The following ZNF597 variants were observed in gnomAD, a reference collection of about 807,000 sequenced individuals.
The protein encoded by ZNF597 is zinc finger protein 597.
Under a neutral mutation model 7.3 loss-of-function variants are expected in ZNF597, and 5 were observed. That is an observed-to-expected ratio of 0.68 (90% CI 0.36 to 1.44). ZNF597 has a LOEUF of 1.44. ZNF597 is among the 40% of genes most tolerant of loss of function. The pLI is 0.04. For synonymous variants in ZNF597, 209 were observed against 185.4 expected (o/e 1.13, Z -1.04); for missense variants, 585 against 517.9 (o/e 1.13, Z -1.26).
At chr16:3,440,725 CATACCAACATCTGGA>C in intron 3 of ZNF597, 67 bp downstream of exon 3, 2 of 1,554,470 alleles carry the variant, frequency 1.3e-6, no homozygotes, top group Non-Finnish European at 1.7e-6. Context: ...CCCACTCCAC[CATACCAACATCTGGA>C]TAAAGCATGA....
intron 2 of ZNF597, 62 bp from the exon 3 acceptor site, chr16:3,440,995 G>C: frequency 6.4e-7 from 1 of 1,572,614 alleles, no homozygotes; most frequent in Non-Finnish European, 8.6e-7. Flanking sequence ...ACTTAACCTA[G>C]GAAGGATGAA....
rs114175364 is a variant in ZNF597 at position 3,439,997 on chromosome 16, G to A, written c.160+810C>T. ...AAATATGAGTTATTCAGAATAACTA[G>A]TTACTCTAGTTATTTTTTTCTGACT... On this transcript the variant is annotated intron_variant, in intron 3 of 3. Coordinates refer to ENST00000301744, the MANE Select transcript of ZNF597 (RefSeq NM_152457.3). Among the ~76,000 whole-genome samples the A allele has an allele frequency of 5.9e-3, 901 of 152,314 alleles. 13 individuals carry two copies. The highest frequency in any genetic ancestry group is 0.02 in the African/African-American group (849 of 41,572).
chr16:3,440,630 T>C (rs2034356952), intron 3 of ZNF597, among the ~76,000 whole-genome samples, 177 bp downstream of exon 3: 1 of 150,530 alleles, frequency 6.6e-6, no homozygotes, highest in South Asian at 2.1e-4. Flanking sequence ...CGAGAGTCTG[T>C]CTCAAAAAAA....
At chr16:3,439,922 C>G (rs527745448) in intron 3 of ZNF597, among the ~76,000 whole-genome samples, 1 of 152,052 alleles carries the variant, frequency 6.6e-6, no homozygotes, top group Non-Finnish European at 1.5e-5. Context: ...CATACATTTA[C>G]GCAGACAGAA....
chr16:3,433,051 T>C lies in ZNF597; in HGVS notation c.*3373A>G, dbSNP rs2034269736. ...AGTCACTAGAACATTGCCACTTAAT[T>C]ATATGGAAACTCAGGAGGCAAAGAC... On this transcript the variant is annotated 3_prime_UTR_variant, in exon 4 of 4. Transcript: ENST00000301744. The C allele has an allele frequency of 6.6e-6, 1 of 152,192 alleles. No individual in the cohort carries two copies. The allele number at this position is 152,192 out of a possible 1,614,324, so 9.4% of individuals were successfully genotyped here.
At chr16:3,441,569 C>G (rs567124822) in intron 2 of ZNF597, among the ~76,000 whole-genome samples, 101 of 152,220 alleles carry the variant, frequency 6.6e-4, no homozygotes, top group Middle Eastern at 6.8e-3. Context: ...GCCTATAATC[C>G]CAGCTACTTG....
rs753184313 is a variant in ZNF597 at position 3,437,197 on chromosome 16, G to T, written c.502C>A (p.His168Asn). The change falls in exon 4 of 4, where the codon CAT (histidine) becomes AAT (asparagine). Residue 168 changes from histidine to asparagine, a missense_variant. Coordinates refer to ENST00000301744, the MANE Select transcript of ZNF597 (RefSeq NM_152457.3). Reference protein sequence around the residue: ...CPECDQNFSDHSYLVLHQKIH... With the variant: ...CPECDQNFSDNSYLVLHQKIH... Reference sequence around the variant, plus strand: ...TTCTGATGCAAAACTAGGTATGAATGATCGCTGAAGTTTTGGTCACACTCA... The same window carrying T: ...TTCTGATGCAAAACTAGGTATGAATTATCGCTGAAGTTTTGGTCACACTCA... 9 of 1,614,056 alleles carry T rather than the reference G, an allele frequency of 5.6e-6. No individual in the cohort carries two copies. The highest frequency in any genetic ancestry group is 7.6e-6 in the Non-Finnish European group (9 of 1,180,034).
In ZNF597 at chr16:3,440,843, C is replaced by A; in HGVS notation, c.124G>T (p.Gly42Cys). 1 of 1,614,014 alleles carries A rather than the reference C, an allele frequency of 6.2e-7. No individual in the cohort carries two copies. The highest frequency in any genetic ancestry group is 8.5e-7 in the Non-Finnish European group (1 of 1,179,944). The change falls in exon 3 of 4, where the codon GGT (glycine) becomes TGT (cysteine). Residue 42 changes from glycine (G) to cysteine (C), a missense_variant. Gly to Cys is a radical substitution (Grantham distance 159). Transcript: ENST00000301744. ...HPAQRSLSKD[G>C]TKESLEDAAL... ...GCATCCTCCAAAGACTCTTTTGTAC[C>A]ATCTTTGCTGAGGGACCTCTGGGCA...
intron 3 of ZNF597, among the ~76,000 whole-genome samples, chr16:3,439,390 A>AT (rs886468839): frequency 6.6e-6 from 1 of 152,110 alleles, no homozygotes; most frequent in African/African-American, 2.4e-5. Context: ...ATCAAAAAAA[A>AT]AATAACCCCA....
rs752706491 is a variant in ZNF597 at position 3,437,259 on chromosome 16, G to T, written c.440C>A (p.Ser147Tyr). The part of the protein sequence containing the change: ...GTNTLSEILD[S>Y]PWEGAKNVYK... ...CACATTTTTGGCTCCTTCCCAGGGAGAATCAAGAATTTCAGAAAGTGTGTT... is the reference window on the plus strand; with the variant it reads ...CACATTTTTGGCTCCTTCCCAGGGATAATCAAGAATTTCAGAAAGTGTGTT... The change falls in exon 4 of 4, where the codon TCT becomes TAT. Residue 147 changes from serine to tyrosine, a missense_variant. Transcript: ENST00000301744. The T allele has an allele frequency of 2.7e-5, 43 of 1,614,082 alleles. No homozygotes were observed. In the South Asian group the frequency reaches 4.0e-4, roughly 15 times the overall value.
chr16:3,436,311 A>G lies in ZNF597; in HGVS notation c.*113T>C, dbSNP rs764592381. The G allele has an allele frequency of 7.9e-5, 78 of 987,002 alleles. No homozygotes were observed. In the Admixed American group the frequency reaches 1.2e-3, roughly 15 times the overall value. 61.1% of individuals were successfully genotyped at this position (987,002 alleles called of 1,614,324 possible). On this transcript the variant is annotated 3_prime_UTR_variant, in exon 4 of 4. Transcript: ENST00000301744. The stretch of plus-strand genomic sequence containing the variant: ...GGTTGTGCTGAGAATTAAGTATTAC[A>G]TGGGAATGTGTGTAAAGTGCTTAGC...
chr16:3,443,430 C>T lies in ZNF597; in HGVS notation c.-124G>A. ...CAGAAAGCGACGCCCGACCGAGACG[C>T]GACGAAGAACGCCACGGCCACTGCA... is the stretch of plus-strand genomic sequence containing the variant. On this transcript the variant is annotated 5_prime_UTR_variant, in exon 1 of 4. Transcript: ENST00000301744. The T allele has an allele frequency of 1.9e-6, 1 of 520,354 alleles. No homozygotes were observed. Among genetic ancestry groups the T allele is most frequent in the Non-Finnish European group, 3.4e-6 (1 of 297,738 alleles). 32.2% of individuals were successfully genotyped at this position (520,354 alleles called of 1,614,324 possible).
rs1222423891 is a variant in ZNF597, at chr16:3,435,554, G to T, written c.*870C>A. The T allele has an allele frequency of 1.7e-5, 2 of 115,248 alleles. No homozygotes were observed. The highest frequency in any genetic ancestry group is 4.1e-5 in the Non-Finnish European group (2 of 48,624). The allele number at this position is 115,248 out of a possible 1,614,324, so 7.1% of individuals were successfully genotyped here. A position where few individuals can be genotyped will look rare whatever the true frequency, so the allele number is the denominator to read the frequency against. On this transcript the variant is annotated 3_prime_UTR_variant, in exon 4 of 4. Coordinates refer to ENST00000301744, the MANE Select transcript of ZNF597 (RefSeq NM_152457.3). ...TGAGGACTTCAGTTTCCTCGTTTAT[G>T]AAACAAAGATTTTTTTTCTCTGTCA...
intron 3 of ZNF597, among the ~76,000 whole-genome samples, chr16:3,437,770 G>A (rs761346956): frequency 2.0e-5 from 3 of 152,114 alleles, no homozygotes; most frequent in Non-Finnish European, 4.4e-5. Context: ...AACTAAGTCA[G>A]AGTCCAGTGG....
At chr16:3,440,996 G>T in intron 2 of ZNF597, 63 bp from the exon 3 acceptor site, 2 of 1,568,054 alleles carry the variant, frequency 1.3e-6, no homozygotes, top group East Asian at 2.3e-5. Context: ...CTTAACCTAG[G>T]AAGGATGAAA....
In ZNF597 at chr16:3,437,401, T is replaced by C; in HGVS notation, c.298A>G (p.Asn100Asp). The C allele has an allele frequency of 6.2e-7, 1 of 1,614,170 alleles. No individual in the cohort carries two copies. The highest frequency in any genetic ancestry group is 1.1e-5 in the South Asian group (1 of 91,084). Residue 100 changes from asparagine (N) to aspartate (D), a missense_variant, in exon 4 of 4, where the codon AAC (asparagine) becomes GAC (aspartate). Transcript: ENST00000301744. ...CCACTTAATATTTTCGCTTCAGGGT[T>C]TCCAACTCCATCCTCAGAGGATTTT... The part of the protein sequence containing the change: ...PEKSSEDGVG[N>D]PEAKILSGTP...
chr16:3,443,197 C>T lies in ZNF597; in HGVS notation c.-44G>A, dbSNP rs756701513. 5 of 1,596,060 alleles carry T rather than the reference C, an allele frequency of 3.1e-6. No individual in the cohort carries two copies. The highest frequency in any genetic ancestry group is 1.7e-4 in the Middle Eastern group (1 of 5,984). On this transcript the variant is annotated 5_prime_UTR_variant, in exon 2 of 4. Coordinates refer to ENST00000301744, the MANE Select transcript of ZNF597 (RefSeq NM_152457.3). ...CTTCTTCAAGACGCCACAGGGACTT[C>T]GTGACAAAGCTGCGGGGGGAGAGAA...
rs1596266650 is a variant in ZNF597 at position 3,437,093 on chromosome 16, G to A, written c.606C>T (p.His202=). ...IFNHRANLRT[H]RRIHTGEKPY... is the part of the protein sequence containing the mutation. ...GTTTCTCACCAGTATGGATTCTCCT[G>A]TGTGTCCTCAGGTTGGCTCTATGAT... The change falls in exon 4 of 4, where the codon CAC becomes CAT. Residue 202 remains histidine (H), a synonymous_variant. Transcript: ENST00000301744. 6.2e-7 allele frequency: 1 copy of A among 1,614,198 alleles called. No individual in the cohort carries two copies. The highest frequency in any genetic ancestry group is 8.5e-7 in the Non-Finnish European group (1 of 1,180,028).
intron 3 of ZNF597, among the ~76,000 whole-genome samples, chr16:3,439,393 T>A (rs1057320462): frequency 2.7e-5 from 4 of 150,304 alleles, no homozygotes; most frequent in East Asian, 3.9e-4. Context: ...AAAAAAAAAA[T>A]AACCCCACAA....
Sources: allele counts gnomAD v4.1 joint callset (sites outside exome capture counted in the v4.1 genomes callset), GRCh38; gene constraint gnomAD v4.1.1; transcripts MANE v1.5; gene names NCBI Gene and HGNC (gene_info 2026-07-23, HGNC 2026-07-21).